Variants in TBCA observed in about 807,000 individuals in gnomAD.
The protein encoded by TBCA is tubulin-specific chaperone A.
In TBCA, 6 loss-of-function variants were observed where a neutral mutation model predicts 15.8. The ratio of observed to expected loss-of-function variants is 0.38; its 90% CI spans 0.21 to 0.75. The LOEUF (loss-of-function observed/expected upper bound fraction) is 0.75. Ranked by LOEUF, TBCA falls within the 30% of genes least tolerant of loss-of-function variation. The probability of loss-of-function intolerance (pLI) is 0.46; values close to 1 mark genes in which losing one functional copy is unlikely to be tolerated. For missense variants in TBCA, 90 were observed against 131.2 expected, an observed-to-expected ratio of 0.69 and a Z score of 1.53; for synonymous variants, 32 against 42.3, an observed-to-expected ratio of 0.76 and a Z score of 0.94.
chr5:77,699,224 C>T (rs1399585049), intron 2 of TBCA, among the ~76,000 whole-genome samples: 1 of 151,678 alleles, frequency 6.6e-6, no homozygotes, highest in African/African-American at 2.4e-5. Flanking sequence ...CAATTCCTAT[C>T]AAAAAGTGTT....
chr5:77,727,819 T>C (rs1487503725), intron 1 of TBCA, among the ~76,000 whole-genome samples: 1 of 152,170 alleles, frequency 6.6e-6, no homozygotes, highest in Non-Finnish European at 1.5e-5. Context: ...ATAGTTGGCC[T>C]AATAAGACAA....
intron 2 of TBCA, among the ~76,000 whole-genome samples, chr5:77,706,218 A>G (rs1237294578): frequency 2.0e-5 from 3 of 152,244 alleles, no homozygotes; most frequent in African/African-American, 7.2e-5. Flanking sequence ...AGCTGATTTT[A>G]AAAATAAATT....
intron 1 of TBCA, among the ~76,000 whole-genome samples, chr5:77,745,619 G>C (rs1747168888): frequency 6.6e-6 from 1 of 152,212 alleles, no homozygotes; most frequent in African/African-American, 2.4e-5. Context: ...CTAAGAACTG[G>C]TGATGGTATA....
At chr5:77,774,760 G>A (rs905806865) in intron 1 of TBCA, among the ~76,000 whole-genome samples, 1 of 151,932 alleles carries the variant, frequency 6.6e-6, no homozygotes, top group African/African-American at 2.4e-5. Context: ...CCTTAACCTT[G>A]GCAAAATAAA....
chr5:77,768,379 C>T (rs34541757), intron 1 of TBCA, among the ~76,000 whole-genome samples: 16,197 of 152,140 alleles, frequency 0.11, 920 homozygotes, highest in Middle Eastern at 0.13. Flanking sequence ...CTTTTAAAGG[C>T]TAAGTAACTT....
chr5:77,706,822 A>AAG (rs1258716219), intron 2 of TBCA, among the ~76,000 whole-genome samples: 36 of 151,284 alleles, frequency 2.4e-4, no homozygotes, highest in African/African-American at 7.7e-4. Context: ...AAAAAAAAAA[A>AAG]AAAAAAGAAA....
chr5:77,716,223 G>A (rs139766557), intron 1 of TBCA, among the ~76,000 whole-genome samples: 152 of 152,222 alleles, frequency 1.0e-3, no homozygotes, highest in African/African-American at 3.3e-3. Flanking sequence ...TCAGGAAGCT[G>A]ATCAAAAAAT....
chr5:77,770,472 C>T (rs888383196), intron 1 of TBCA, among the ~76,000 whole-genome samples: 3 of 152,104 alleles, frequency 2.0e-5, no homozygotes, highest in Non-Finnish European at 2.9e-5. Context: ...TTCCAGTTTG[C>T]CTGGGACTTT....
chr5:77,745,710 T>C (rs918169125), intron 1 of TBCA, among the ~76,000 whole-genome samples: 1 of 152,224 alleles, frequency 6.6e-6, no homozygotes, highest in Non-Finnish European at 1.5e-5. Flanking sequence ...TTATACGTAG[T>C]AGATATTCTA....
At chr5:77,722,840 AAT>A (rs1475868865) in intron 1 of TBCA, among the ~76,000 whole-genome samples, 2 of 151,814 alleles carry the variant, frequency 1.3e-5, no homozygotes, top group Non-Finnish European at 3.0e-5. Flanking sequence ...TATAAAATAA[AAT>A]ATATTATCAA....
At chr5:77,760,391 TTCCTTTCCTTTCCTTTCCTCCTTTCCTC>T (rs1747587143) in intron 1 of TBCA, among the ~76,000 whole-genome samples, 1 of 152,128 alleles carries the variant, frequency 6.6e-6, no homozygotes, top group Non-Finnish European at 1.5e-5. Flanking sequence ...TTCCTCCTTT[TTCCTTTCCTTTCCTTTCCTCCTTTCCTC>T]TCCTTTCCTC....
At chr5:77,726,748 A>G (rs1746638227) in intron 1 of TBCA, among the ~76,000 whole-genome samples, 1 of 152,190 alleles carries the variant, frequency 6.6e-6, no homozygotes, top group East Asian at 1.9e-4. Flanking sequence ...TTTCAGTTTA[A>G]GTGCAAGGAT....
At chr5:77,722,019 AT>A (rs1746540040) in intron 1 of TBCA, among the ~76,000 whole-genome samples, 1 of 152,090 alleles carries the variant, frequency 6.6e-6, no homozygotes, top group South Asian at 2.1e-4. Context: ...ACAGAAAAAA[AT>A]ATATAAATTA....
chr5:77,708,017 CAAACA>C (rs895297072), intron 2 of TBCA, among the ~76,000 whole-genome samples: 2 of 152,080 alleles, frequency 1.3e-5, no homozygotes, highest in South Asian at 2.1e-4. Flanking sequence ...GGCCCTGTTT[CAAACA>C]AAACAAAACA....
At chr5:77,712,655 A>T (rs981335126) in intron 1 of TBCA, among the ~76,000 whole-genome samples, 8 of 152,170 alleles carry the variant, frequency 5.3e-5, no homozygotes, top group East Asian at 1.9e-4. Flanking sequence ...AAGAAGTTTT[A>T]AAAAAAGAAC....
intron 1 of TBCA, among the ~76,000 whole-genome samples, chr5:77,768,690 G>A (rs1010480826): frequency 6.6e-6 from 1 of 152,212 alleles, no homozygotes; most frequent in African/African-American, 2.4e-5. Context: ...TTCTGAGTGA[G>A]GCTGCTAAAT....
At chr5:77,720,776 T>A (rs541728058) in intron 1 of TBCA, among the ~76,000 whole-genome samples, 1 of 152,256 alleles carries the variant, frequency 6.6e-6, no homozygotes, top group South Asian at 2.1e-4. Context: ...GTGGAGAACC[T>A]AAAACATGGT....
chr5:77,724,619 C>A (rs2063426308), intron 1 of TBCA, among the ~76,000 whole-genome samples: 1 of 152,136 alleles, frequency 6.6e-6, no homozygotes. Context: ...TGGTTTCACA[C>A]TTCAACAAAG....
chr5:77,723,396 C>G (rs1045818044), intron 1 of TBCA, among the ~76,000 whole-genome samples: 1 of 151,758 alleles, frequency 6.6e-6, no homozygotes, highest in African/African-American at 2.4e-5. Context: ...ATAAAATTTG[C>G]CATTTATAGA....
Sources: allele counts gnomAD v4.1 joint callset (sites outside exome capture counted in the v4.1 genomes callset), GRCh38; gene constraint gnomAD v4.1.1; transcripts MANE v1.5; gene names NCBI Gene and HGNC (gene_info 2026-07-23, HGNC 2026-07-21).